The following WDR72 variants were observed in gnomAD, a reference collection of about 807,000 sequenced individuals.
WDR72 encodes WD repeat domain 72.
WDR72 carries 120 observed loss-of-function variants against 124.2 expected under a neutral mutation model. The ratio of observed to expected loss-of-function variants is 0.97; its 90% CI spans 0.83 to 1.12. The LOEUF (loss-of-function observed/expected upper bound fraction) is 1.12. WDR72 is among the 50% of genes most tolerant of loss of function. The pLI is 0.00. For synonymous variants in WDR72, 452 were observed against 441.7 expected, an observed-to-expected ratio of 1.02 and a Z score of -0.29; for missense variants, 1,387 against 1,278.8, an observed-to-expected ratio of 1.08 and a Z score of -1.29.
intron 17 of WDR72, among the ~76,000 whole-genome samples, chr15:53,600,969 C>G (rs1490780302): frequency 6.6e-6 from 1 of 152,148 alleles, no homozygotes; most frequent in Admixed American, 6.6e-5. Context: ...CAAACTTATT[C>G]ATCAGCAAAA....
intron 6 of WDR72, among the ~76,000 whole-genome samples, 200 bp from the exon 7 acceptor site, chr15:53,713,091 C>T (rs2017592820): frequency 6.6e-6 from 1 of 151,650 alleles, no homozygotes; most frequent in South Asian, 2.1e-4. Context: ...AATCTGTACA[C>T]CCAACCCCCA....
chr15:53,682,971 C>G (rs2016450791), intron 13 of WDR72, among the ~76,000 whole-genome samples: 1 of 152,148 alleles, frequency 6.6e-6, no homozygotes, highest in Non-Finnish European at 1.5e-5. Context: ...CCTCAGGAAA[C>G]TTACAGTTAT....
chr15:53,724,630 G>A (rs1456963413), intron 2 of WDR72, among the ~76,000 whole-genome samples: 1 of 152,254 alleles, frequency 6.6e-6, no homozygotes, highest in African/African-American at 2.4e-5. Context: ...AACAGCATGA[G>A]AAAATCACCC....
At chr15:53,576,448 C>T (rs1288868552) in intron 18 of WDR72, among the ~76,000 whole-genome samples, 1 of 152,138 alleles carries the variant, frequency 6.6e-6, no homozygotes, top group Non-Finnish European at 1.5e-5. Flanking sequence ...GTGTCCAGGA[C>T]AGCCACTCCC....
intron 14 of WDR72, among the ~76,000 whole-genome samples, chr15:53,622,226 G>A (rs926732741): frequency 2.6e-5 from 4 of 152,160 alleles, no homozygotes; most frequent in East Asian, 1.9e-4. Flanking sequence ...GCGATTCCTC[G>A]AAGACCTAGA....
chr15:53,658,381 A>C (rs690428), intron 14 of WDR72, among the ~76,000 whole-genome samples: 53,583 of 151,962 alleles, frequency 0.35, 10,202 homozygotes, highest in East Asian at 0.53. Context: ...TATCTATTAC[A>C]GCCAGTCAGG....
At chr15:53,648,712 C>T (rs749079345) in intron 14 of WDR72, among the ~76,000 whole-genome samples, 14 of 152,030 alleles carry the variant, frequency 9.2e-5, no homozygotes, top group Non-Finnish European at 2.1e-4. Flanking sequence ...CAATTCAACA[C>T]ATACTTATTA....
At chr15:53,761,491 C>G (rs576227023), upstream of WDR72, among the ~76,000 whole-genome samples, 21 of 152,130 alleles carry the variant, frequency 1.4e-4, no homozygotes, top group Non-Finnish European at 2.9e-4. Context: ...GAAAAGAAAT[C>G]AATATATCCA....
intron 1 of WDR72, among the ~76,000 whole-genome samples, chr15:53,743,392 T>C (rs1339156066): frequency 1.3e-5 from 2 of 152,156 alleles, no homozygotes; most frequent in African/African-American, 2.4e-5. Context: ...GATTGAAATT[T>C]AGGTATATAT....
At chr15:53,699,982 C>G in intron 12 of WDR72, 37 bp from the exon 13 acceptor site, 1 of 1,612,566 alleles carries the variant, frequency 6.2e-7, no homozygotes, top group Non-Finnish European at 8.5e-7. Flanking sequence ...AGTAAATAGT[C>G]AAATGCTTTC....
At chr15:53,694,282 C>T (rs62007983) in intron 13 of WDR72, among the ~76,000 whole-genome samples, 24,268 of 152,102 alleles carry the variant, frequency 0.16, 2,367 homozygotes, top group East Asian at 0.48. Context: ...AACTATCTTC[C>T]TATGAGCACA....
Position 53,514,269 on chromosome 15 carries a change from T to A in WDR72, c.*3430A>T, listed in dbSNP as rs1274124680. The A allele has an allele frequency of 1.3e-5, 2 of 152,192 alleles. No individual in the cohort carries two copies. Among genetic ancestry groups the A allele is most frequent in the African/African-American group, 4.8e-5 (2 of 41,446 alleles). The allele number at this position is 152,192 out of a possible 1,614,324, so 9.4% of individuals were successfully genotyped here. On this transcript the variant is annotated 3_prime_UTR_variant, in exon 20 of 20. Coordinates refer to ENST00000360509, the MANE Select transcript of WDR72 (RefSeq NM_182758.4). Reference sequence around the variant, plus strand: ...AGAATAAAGGAGTCTATAACACCGCTTTTATATAACTGAGCAATCAAAATG... The same window carrying A: ...AGAATAAAGGAGTCTATAACACCGCATTTATATAACTGAGCAATCAAAATG...
chr15:53,571,837 C>T (rs1002832642), intron 18 of WDR72, among the ~76,000 whole-genome samples: 1 of 151,548 alleles, frequency 6.6e-6, no homozygotes, highest in African/African-American at 2.4e-5. Context: ...AGATTCTCAC[C>T]AACAGTGTGC....
rs530928667 is a variant in WDR72, at chr15:53,654,192, G to T, written c.1962+11380C>A. Among the ~76,000 whole-genome samples, 7 of 152,188 alleles carry T rather than the reference G, an allele frequency of 4.6e-5. No individual in the cohort carries two copies. In the East Asian group the frequency reaches 1.4e-3, roughly 29 times the overall value. On this transcript the variant is annotated intron_variant, in intron 14 of 19. Transcript: ENST00000360509. ...AGAATCAAAAGCAACCATACTAAAT[G>T]ATTTATCAAGAAGACATCAGGTAAC...
chr15:53,629,147 C>T (rs73408277), intron 14 of WDR72, among the ~76,000 whole-genome samples: 10,307 of 151,604 alleles, frequency 0.068, 1,158 homozygotes, highest in African/African-American at 0.24. Flanking sequence ...TATGCAGACA[C>T]CTACCTAAAA....
At chr15:53,670,957 C>A (rs1360821984) in intron 13 of WDR72, among the ~76,000 whole-genome samples, 1 of 152,186 alleles carries the variant, frequency 6.6e-6, no homozygotes, top group Non-Finnish European at 1.5e-5. Flanking sequence ...GAGACTTGAA[C>A]CTCCTCAATC....
Position 53,715,238 on chromosome 15 carries a change from C to A in WDR72, c.469G>T (p.Asp157Tyr). 1.2e-6 allele frequency: 2 copies of A among 1,614,112 alleles called. No homozygotes were observed. The highest frequency in any genetic ancestry group is 1.7e-6 in the Non-Finnish European group (2 of 1,180,018). Residue 157 changes from aspartate to tyrosine, a missense_variant, in exon 5 of 20, where the codon GAC becomes TAC. Transcript: ENST00000360509. Reference protein sequence around the residue: ...VHSFRSSQFPDWINCMCIVHS... With the variant: ...VHSFRSSQFPYWINCMCIVHS... ...ACAATGCACATGCAGTTGATCCAGT[C>A]AGGAAACTGAGATGATCTAAAACTG...
chr15:53,574,868 T>G (rs1444733536), intron 18 of WDR72, among the ~76,000 whole-genome samples: 1 of 151,196 alleles, frequency 6.6e-6, no homozygotes, highest in Non-Finnish European at 1.5e-5. Flanking sequence ...ATAGGAGGAG[T>G]GTACACAGGT....
intron 9 of WDR72, among the ~76,000 whole-genome samples, chr15:53,707,288 G>T (rs1465769425): frequency 6.6e-6 from 1 of 152,166 alleles, no homozygotes; most frequent in African/African-American, 2.4e-5. Flanking sequence ...AAGCTATGTA[G>T]TAAGTAAACA....
Sources: gnomAD v4.1 joint callset for allele counts (sites outside exome capture counted in the v4.1 genomes callset) on GRCh38, gnomAD v4.1.1 for gene constraint, MANE v1.5 for transcripts, NCBI Gene and HGNC (gene_info 2026-07-23, HGNC 2026-07-21) for gene names.